Variants in GALM observed in about 807,000 individuals in gnomAD.
GALM encodes galactose mutarotase.
In GALM, 43 loss-of-function variants were observed where a neutral mutation model predicts 37.4. The observed-to-expected ratio is 1.15, with a 90% CI of 0.90 to 1.48. GALM has a LOEUF of 1.48. Ranked by LOEUF, GALM falls within the 40% of genes most tolerant of loss-of-function variation. The pLI is 0.00. For synonymous variants in GALM, 199 were observed against 170.6 expected (o/e 1.17, Z -1.30); for missense variants, 456 against 419.1 (o/e 1.09, Z -0.77).
intron 4 of GALM, among the ~76,000 whole-genome samples, chr2:38,707,686 G>C (rs1572532783): frequency 6.6e-6 from 1 of 152,254 alleles, no homozygotes; most frequent in South Asian, 2.1e-4. Context: ...CAGCTTTCTT[G>C]AATACAGAAC....
At chr2:38,678,388 G>A (rs1466678467) in intron 2 of GALM, among the ~76,000 whole-genome samples, 3 of 152,016 alleles carry the variant, frequency 2.0e-5, no homozygotes, top group Non-Finnish European at 2.9e-5. Context: ...CAGAGTTTCT[G>A]GAAATTTGGA....
At chr2:38,677,106 T>C (rs1263334910) in intron 2 of GALM, among the ~76,000 whole-genome samples, 1 of 152,236 alleles carries the variant, frequency 6.6e-6, no homozygotes, top group African/African-American at 2.4e-5. Flanking sequence ...AGCTTCTCCC[T>C]GGGGTGGGAG....
intron 1 of GALM, among the ~76,000 whole-genome samples, chr2:38,666,606 A>T (rs1283224617): frequency 6.6e-6 from 1 of 152,240 alleles, no homozygotes; most frequent in East Asian, 1.9e-4. Context: ...GTAAAAGGTC[A>T]GCTGATGGTA....
In GALM at chr2:38,689,819, C is replaced by T; in HGVS notation, c.559C>T (p.Pro187Ser). 6.3e-7 allele frequency: 1 copy of T among 1,598,162 alleles called. No individual in the cohort carries two copies. The highest frequency in any genetic ancestry group is 8.6e-7 in the Non-Finnish European group (1 of 1,169,110). ...CCCTACCTTTTCCTCCCAGGCTTCC[C>T]CAAATATAAATGACCATGAAGTCAC... ...SYFNLAGQAS[P>S]NINDHEVTIE... The change falls in exon 4 of 7, where the codon CCA becomes TCA. Residue 187 changes from proline to serine, a missense_variant. Pro to Ser is a moderately conservative substitution (Grantham distance 74, BLOSUM62 -1). Transcript: ENST00000272252.
intron 1 of GALM, among the ~76,000 whole-genome samples, chr2:38,674,254 A>T (rs1344453845): frequency 1.4e-5 from 2 of 147,230 alleles, no homozygotes; most frequent in African/African-American, 5.1e-5. Flanking sequence ...CAATGGCATG[A>T]TCTTGGCTCA....
Position 38,699,720 on chromosome 2 carries a change from G to A in GALM, c.634+9826G>A, listed in dbSNP as rs113462510. Among the ~76,000 whole-genome samples, 660 of 152,248 alleles carry A rather than the reference G, an allele frequency of 4.3e-3. 9 individuals carry two copies. The highest frequency in any genetic ancestry group is 0.015 in the African/African-American group (636 of 41,542). ...TTCAGGAGCATATTGTTTAATTTCT[G>A]TGTATTTGTACAATTTCAAAAGTTC... On this transcript the variant is annotated intron_variant, in intron 4 of 6. Transcript: ENST00000272252.
At chr2:38,680,063 G>A (rs537215698) in intron 2 of GALM, 19 of 455,288 alleles carry the variant, frequency 4.2e-5, no homozygotes, top group Middle Eastern at 3.4e-4. Flanking sequence ...CACCCAGATT[G>A]GAGTGCAATG....
intron 4 of GALM, among the ~76,000 whole-genome samples, chr2:38,703,298 G>A (rs189477959): frequency 0.017 from 2,523 of 149,750 alleles, 28 homozygotes; most frequent in Middle Eastern, 0.031. Context: ...GTAGAGACAG[G>A]TTTCTTCATG....
At chr2:38,722,052 C>CCCCCCCCCCCCCCA (rs1666391057) in intron 4 of GALM, among the ~76,000 whole-genome samples, 2 of 121,570 alleles carry the variant, frequency 1.6e-5, no homozygotes, top group Non-Finnish European at 3.6e-5. Context: ...CCCCCCCCCC[C>CCCCCCCCCCCCCCA]ACCTAGAACA....
intron 4 of GALM, among the ~76,000 whole-genome samples, chr2:38,692,475 C>A (rs1377269183): frequency 6.6e-6 from 1 of 152,064 alleles, no homozygotes; most frequent in Non-Finnish European, 1.5e-5. Flanking sequence ...GGTCTTGAAT[C>A]CCTAGGCTCA....
chr2:38,672,762 T>A (rs1025841537), intron 1 of GALM, among the ~76,000 whole-genome samples: 1 of 151,946 alleles, frequency 6.6e-6, no homozygotes, highest in African/African-American at 2.4e-5. Flanking sequence ...TGGGACACAC[T>A]TTGGGAGGCC....
Position 38,675,539 on chromosome 2 carries a change from TTTTTTGTGTGTGTGTG to T in GALM, c.191-371_191-356del, listed in dbSNP as rs1171388072. On this transcript the variant is annotated intron_variant, in intron 1 of 6. Transcript: ENST00000272252. ...GAGGGTTTTTTTGTTTTTTTTTTTT[TTTTTTGTGTGTGTGTG>T]TGTGTGTGTGTGTGTGTGTGTGTGT... Among the ~76,000 whole-genome samples the T allele has an allele frequency of 3.6e-3, 301 of 83,366 alleles. 2 individuals carry two copies. Among genetic ancestry groups the T allele is most frequent in the African/African-American group, 0.015 (274 of 17,684 alleles). The allele number at this position is 83,366 out of a possible 152,430, so 54.7% of individuals were successfully genotyped here. A position where few individuals can be genotyped will look rare whatever the true frequency, so the allele number is the denominator to read the frequency against.
chr2:38,693,923 A>C (rs1009466020), intron 4 of GALM, among the ~76,000 whole-genome samples: 1 of 152,208 alleles, frequency 6.6e-6, no homozygotes, highest in Non-Finnish European at 1.5e-5. Flanking sequence ...ACAGTGGCTC[A>C]CACCTTTAAT....
chr2:38,696,026 C>T (rs1183622434), intron 4 of GALM, among the ~76,000 whole-genome samples: 2 of 151,264 alleles, frequency 1.3e-5, no homozygotes, highest in Admixed American at 6.6e-5. Flanking sequence ...AATCTCTCTT[C>T]TTAGGGTCAT....
chr2:38,709,183 C>T (rs1572533695), intron 4 of GALM, among the ~76,000 whole-genome samples: 1 of 152,214 alleles, frequency 6.6e-6, no homozygotes, highest in Middle Eastern at 3.4e-3. Context: ...CCCTGAAAAC[C>T]AGGGGAATAT....
chr2:38,689,355 G>C (rs1039455131), intron 3 of GALM, among the ~76,000 whole-genome samples: 5 of 152,166 alleles, frequency 3.3e-5, no homozygotes, highest in African/African-American at 1.2e-4. Flanking sequence ...CAGAGAGTGG[G>C]GCCTCTGTGT....
At chr2:38,709,475 G>A (rs887434086) in intron 4 of GALM, among the ~76,000 whole-genome samples, 2 of 151,762 alleles carry the variant, frequency 1.3e-5, no homozygotes, top group South Asian at 2.1e-4. Flanking sequence ...TTTATGCTTC[G>A]GATGTCATCT....
At chr2:38,709,147 GGACAGGGAA>G (rs144810238) in intron 4 of GALM, among the ~76,000 whole-genome samples, 9,170 of 152,114 alleles carry the variant, frequency 0.06, 954 homozygotes, top group African/African-American at 0.21. Flanking sequence ...GGGTTGTGGG[GGACAGGGAA>G]GACGCGTGGC....
At chr2:38,675,546 TGTGTGTGTGTG>T (rs1665236586) in intron 1 of GALM, among the ~76,000 whole-genome samples, 5 of 67,848 alleles carry the variant, frequency 7.4e-5, no homozygotes, top group East Asian at 5.3e-4. Flanking sequence ...TTTTTTTTTG[TGTGTGTGTGTG>T]TGTGTGTGTG....
Sources: allele counts gnomAD v4.1 joint callset (sites outside exome capture counted in the v4.1 genomes callset), GRCh38; gene constraint gnomAD v4.1.1; transcripts MANE v1.5; gene names NCBI Gene and HGNC (gene_info 2026-07-23, HGNC 2026-07-21).